EVI5: variants seen among roughly 807,000 people sequenced by gnomAD.
EVI5 encodes the protein ecotropic viral integration site 5, also known as ecotropic viral integration site 5 protein homolog.
In EVI5, 73 loss-of-function variants were observed where a neutral mutation model predicts 112.0. That is an observed-to-expected ratio of 0.65 (90% CI 0.54 to 0.79). The LOEUF is 0.79. Ranked by LOEUF, EVI5 falls within the 30% of genes least tolerant of loss-of-function variation. The pLI is 0.00. For missense variants in EVI5, 900 were observed against 968.8 expected (o/e 0.93, Z 0.94); for synonymous variants, 305 against 319.9 (o/e 0.95, Z 0.50).
intron 1 of EVI5, among the ~76,000 whole-genome samples, chr1:92,765,215 CTT>C (rs533143502): frequency 5.2e-5 from 6 of 116,418 alleles, no homozygotes; most frequent in East Asian, 2.5e-4. Context: ...TTTTTCCTTC[CTT>C]TTTTTTTTTT....
chr1:92,747,802 AGG>A (rs1203069629), intron 1 of EVI5, among the ~76,000 whole-genome samples: 1 of 151,186 alleles, frequency 6.6e-6, no homozygotes, highest in Admixed American at 6.6e-5. Flanking sequence ...AGTTGTCAGC[AGG>A]GTCATTCTCC....
At chr1:92,788,687 G>A (rs531736094), upstream of EVI5, among the ~76,000 whole-genome samples, 16 of 151,890 alleles carry the variant, frequency 1.1e-4, no homozygotes, top group Non-Finnish European at 1.8e-4. Context: ...CCAGCTGCTC[G>A]GGAGGCTGAG....
At chr1:92,569,273 T>C (rs1057180194) in intron 18 of EVI5, among the ~76,000 whole-genome samples, 2 of 152,214 alleles carry the variant, frequency 1.3e-5, no homozygotes, top group African/African-American at 2.4e-5. Flanking sequence ...CCTTAATTTA[T>C]AGCATTCTGA....
chr1:92,700,168 C>T (rs1670926820), intron 5 of EVI5, among the ~76,000 whole-genome samples: 1 of 152,148 alleles, frequency 6.6e-6, no homozygotes, highest in Non-Finnish European at 1.5e-5. Context: ...ACACTTGAGT[C>T]CTAGAGCAAT....
upstream of EVI5, among the ~76,000 whole-genome samples, chr1:92,787,739 C>CAA (rs113716389): frequency 1.9e-4 from 22 of 116,970 alleles, no homozygotes; most frequent in African/African-American, 6.6e-4. Context: ...GATCTTGTCT[C>CAA]AAAAAAAAAA....
upstream of EVI5, among the ~76,000 whole-genome samples, chr1:92,788,860 A>T (rs1315014836): frequency 6.6e-6 from 1 of 152,124 alleles, no homozygotes; most frequent in Non-Finnish European, 1.5e-5. Flanking sequence ...CTAATAGCTA[A>T]CACCTGGTTG....
intron 1 of EVI5, among the ~76,000 whole-genome samples, chr1:92,749,992 T>C (rs1263775563): frequency 6.6e-6 from 1 of 152,150 alleles, no homozygotes; most frequent in African/African-American, 2.4e-5. Context: ...CAAAACTCAA[T>C]AAATGACAGC....
At chr1:92,725,629 C>G (rs1675451165) in intron 2 of EVI5, among the ~76,000 whole-genome samples, 1 of 151,378 alleles carries the variant, frequency 6.6e-6, no homozygotes, top group African/African-American at 2.4e-5. Context: ...AGGCAGAGGT[C>G]GAAGGATCAC....
chr1:92,775,426 C>CAA (rs35191247), intron 1 of EVI5, among the ~76,000 whole-genome samples: 3 of 100,262 alleles, frequency 3.0e-5, no homozygotes, highest in Admixed American at 2.1e-4. Context: ...GACTGCATTT[C>CAA]AAAAAAAAAA....
intron 13 of EVI5, 38 bp from the exon 14 acceptor site, chr1:92,636,374 T>C (rs764905450): frequency 6.4e-7 from 1 of 1,555,172 alleles, no homozygotes; most frequent in East Asian, 2.2e-5. Context: ...TTCATGAAAG[T>C]ATAAACATGT....
intron 1 of EVI5, chr1:92,749,057 ACT>A (rs766427920): frequency 2.5e-4 from 41 of 161,650 alleles, no homozygotes; most frequent in Non-Finnish European, 3.3e-4. Context: ...CAAGAGCGAA[ACT>A]CTGTCTCAAA....
intron 2 of EVI5, among the ~76,000 whole-genome samples, chr1:92,708,627 G>T (rs1291980052): frequency 6.6e-6 from 1 of 151,730 alleles, no homozygotes; most frequent in African/African-American, 2.4e-5. Flanking sequence ...ATATCCAAAA[G>T]AAATGAAAAT....
At chr1:92,621,063 C>G (rs759167364) in intron 16 of EVI5, among the ~76,000 whole-genome samples, 1 of 151,270 alleles carries the variant, frequency 6.6e-6, no homozygotes, top group Non-Finnish European at 1.5e-5. Context: ...TATTGTAAAA[C>G]CTGGAACAAC....
At chr1:92,613,733 C>A (rs1443796666) in intron 16 of EVI5, among the ~76,000 whole-genome samples, 2 of 152,112 alleles carry the variant, frequency 1.3e-5, no homozygotes, top group Non-Finnish European at 1.5e-5. Context: ...GGACTACAGG[C>A]ACATACTACC....
At position 92,736,541 on chromosome 1, in the gene EVI5, G is replaced by A; in HGVS notation, c.6C>T (p.Ala2=). 2 of 1,613,918 alleles carry A rather than the reference G, an allele frequency of 1.2e-6. No individual in the cohort carries two copies. Among genetic ancestry groups the A allele is most frequent in the Non-Finnish European group, 1.7e-6 (2 of 1,179,828 alleles). ...AAGTAGATGGACTTGCCACCTGACT[G>A]GCCATCTGACTGACTGTATGCGATA... M[A]SQVASPSTSL... is the part of the protein sequence containing the mutation. Residue 2 remains alanine, a synonymous_variant, in exon 2 of 20, where the codon GCC becomes GCT. Coordinates refer to ENST00000684568, the MANE Select transcript of EVI5 (RefSeq NM_001350197.2).
chr1:92,557,697 T>C (rs1157181628), intron 19 of EVI5, among the ~76,000 whole-genome samples: 1 of 151,938 alleles, frequency 6.6e-6, no homozygotes, highest in Non-Finnish European at 1.5e-5. Flanking sequence ...CATTGTTCTC[T>C]GACAAATCAT....
At chr1:92,738,066 C>T (rs1570684365) in intron 1 of EVI5, among the ~76,000 whole-genome samples, 2 of 152,142 alleles carry the variant, frequency 1.3e-5, no homozygotes, top group Admixed American at 1.3e-4. Context: ...ATGAGGTGAT[C>T]GTTTATGCCT....
At position 92,772,906 on chromosome 1, in the gene EVI5, T is replaced by TAAA. The variant is rs529315237; in HGVS notation, c.-82+11927_-82+11929dup. Among the ~76,000 whole-genome samples, 63 of 109,712 alleles carry TAAA rather than the reference T, an allele frequency of 5.7e-4. 1 individual carries two copies. The highest frequency in any genetic ancestry group is 2.9e-3 in the Admixed American group (27 of 9,402). The allele number at this position is 109,712 out of a possible 152,430, so 72.0% of individuals were successfully genotyped here. A position where few individuals can be genotyped will look rare whatever the true frequency, so the allele number is the denominator to read the frequency against. ...GGGCGACAAGAGAGAAACCCCATCT[T>TAAA]AAAAAAAAAAAAAAAAAAGGGCCAG... On this transcript the variant is annotated intron_variant, in intron 1 of 19. Coordinates refer to ENST00000684568, the MANE Select transcript of EVI5 (RefSeq NM_001350197.2).
At chr1:92,739,685 A>C (rs558858090) in intron 1 of EVI5, among the ~76,000 whole-genome samples, 1 of 152,324 alleles carries the variant, frequency 6.6e-6, no homozygotes, top group African/African-American at 2.4e-5. Context: ...AGACATGATT[A>C]TATCACTTTA....
Sources: allele counts gnomAD v4.1 joint callset (sites outside exome capture counted in the v4.1 genomes callset), GRCh38; gene constraint gnomAD v4.1.1; transcripts MANE v1.5; gene names NCBI Gene and HGNC (gene_info 2026-07-23, HGNC 2026-07-21).